CSF1R: variants seen among roughly 807,000 people sequenced by gnomAD.
CSF1R encodes macrophage colony-stimulating factor 1 receptor.
Under a neutral mutation model 110.0 loss-of-function variants are expected in CSF1R, and 40 were observed. The ratio of observed to expected loss-of-function variants is 0.36; its 90% confidence interval spans 0.28 to 0.47. The LOEUF (loss-of-function observed/expected upper bound fraction) is 0.47, where lower values mean the gene tolerates loss of function less well. CSF1R is among the 20% of genes least tolerant of loss of function. CSF1R has a pLI of 0.99. For synonymous variants in CSF1R, 523 were observed against 503.4 expected, an observed-to-expected ratio of 1.04 and a Z score of -0.52; for missense variants, 1,052 against 1,253.0, an observed-to-expected ratio of 0.84 and a Z score of 2.42.
Position 150,054,065 on chromosome 5 carries a change from C to A in CSF1R, c.*4G>T, listed in dbSNP as rs376038713. ...GGAGAGTGGTACTCCCTGTCGTCAA[C>A]TCCTCAGCAGAACTGATAGTTGTTG... On this transcript the variant is annotated 3_prime_UTR_variant, in exon 21 of 21. Coordinates refer to ENST00000675795, the MANE Select transcript of CSF1R (RefSeq NM_001288705.3). 2.5e-5 allele frequency: 41 copies of A among 1,613,948 alleles called. No individual in the cohort carries two copies. Among genetic ancestry groups the A allele is most frequent in the Non-Finnish European group, 3.2e-5 (38 of 1,180,010 alleles).
chr5:150,083,015 G>T (rs1480087632), intron 1 of CSF1R, among the ~76,000 whole-genome samples: 1 of 152,050 alleles, frequency 6.6e-6, no homozygotes, highest in African/African-American at 2.4e-5. Flanking sequence ...AGGAAATGTG[G>T]TCAGGGAGCG....
intron 6 of CSF1R, 39 bp downstream of exon 6, chr5:150,073,262 G>T (rs1284850198): frequency 6.3e-7 from 1 of 1,578,980 alleles, no homozygotes. Flanking sequence ...TACCCCATCT[G>T]GTTGTCGGGC....
At chr5:150,096,325 G>A (rs948500386) in intron 1 of CSF1R, among the ~76,000 whole-genome samples, 38 of 152,320 alleles carry the variant, frequency 2.5e-4, no homozygotes, top group African/African-American at 8.4e-4. Flanking sequence ...GGGAGGCAGA[G>A]GTTGCTGTGA....
At chr5:150,101,896 T>C in intron 1 of CSF1R, among the ~76,000 whole-genome samples, 1 of 152,180 alleles carries the variant, frequency 6.6e-6, no homozygotes, top group East Asian at 1.9e-4. Flanking sequence ...GTTTTAAAAA[T>C]AGTATCCTAT....
rs2113791971 is a variant in CSF1R at position 150,061,535 on chromosome 5, C to T, written c.1814G>A (p.Gly605Asp). Residue 605 changes from glycine (G) to aspartate (D), a missense_variant, in exon 12 of 21, where the codon GGC (glycine) becomes GAC (aspartate). Transcript: ENST00000675795. ...CACCTTCAGGACAGCATCCTCCTTG[C>T]CCAGACCAAAGGCCGTGGCCTCCAC... ...KVVEATAFGL[G>D]KEDAVLKVAV... is the part of the protein sequence containing the mutation. The T allele has an allele frequency of 6.2e-7, 1 of 1,612,332 alleles. No individual in the cohort carries two copies. Among genetic ancestry groups the T allele is most frequent in the African/African-American group, 1.3e-5 (1 of 74,644 alleles).
At chr5:150,075,179 G>A (rs1758210475) in intron 5 of CSF1R, among the ~76,000 whole-genome samples, 1 of 152,048 alleles carries the variant, frequency 6.6e-6, no homozygotes, top group African/African-American at 2.4e-5. Context: ...TGAGCTTTTG[G>A]GGGCAAGGCT....
intron 14 of CSF1R, among the ~76,000 whole-genome samples, chr5:150,059,390 A>G (rs568564501): frequency 1.3e-5 from 2 of 152,270 alleles, no homozygotes; most frequent in South Asian, 4.1e-4. Context: ...ATCTTGGTTG[A>G]TCTTTTACAC....
At chr5:150,056,424 A>G (rs1021261023) in intron 16 of CSF1R, 83 bp from the exon 17 acceptor site, 7 of 1,558,038 alleles carry the variant, frequency 4.5e-6, no homozygotes, top group East Asian at 2.3e-5. Flanking sequence ...AGGGCCCCAC[A>G]TGGCTTTGGA....
At chr5:150,068,493 C>T (rs1757882509) in intron 9 of CSF1R, among the ~76,000 whole-genome samples, 163 bp from the exon 10 acceptor site, 1 of 152,214 alleles carries the variant, frequency 6.6e-6, no homozygotes, top group Non-Finnish European at 1.5e-5. Flanking sequence ...TGCACACCCT[C>T]CCCGAGAAAG....
In CSF1R at chr5:150,053,838, G is replaced by A. The variant is rs78449650; in HGVS notation, c.*231C>T. Reference sequence around the variant, plus strand: ...AACACCATGAGAACAGTAGGGGAGGGGGGGGTGAGGGCTCAGCCCCCAGCC... The same window carrying A: ...AACACCATGAGAACAGTAGGGGAGGAGGGGGTGAGGGCTCAGCCCCCAGCC... On this transcript the variant is annotated 3_prime_UTR_variant, in exon 21 of 21. Transcript: ENST00000675795. 9 of 457,396 alleles carry A rather than the reference G, an allele frequency of 2.0e-5. No homozygotes were observed. Among genetic ancestry groups the A allele is most frequent in the African/African-American group, 9.5e-5 (3 of 31,688 alleles). 28.3% of individuals were successfully genotyped at this position (457,396 alleles called of 1,614,324 possible).
intron 1 of CSF1R, among the ~76,000 whole-genome samples, chr5:150,098,915 T>G (rs1305384877): frequency 1.4e-5 from 2 of 140,088 alleles, no homozygotes; most frequent in Non-Finnish European, 3.1e-5. Context: ...TTTTTTGAGA[T>G]AGAGTCTTGC....
chr5:150,084,531 C>T (rs896073212), intron 1 of CSF1R, among the ~76,000 whole-genome samples: 1 of 151,492 alleles, frequency 6.6e-6, no homozygotes, highest in Non-Finnish European at 1.5e-5. Flanking sequence ...CAGCTCACTG[C>T]AACCTCTGCC....
Position 150,054,174 on chromosome 5 carries a change from GCTGCTGCCGCTGCCACCGCTT to G in CSF1R, c.2793_2813del (p.Arg931_Ser937del). The G allele has an allele frequency of 6.2e-7, 1 of 1,611,976 alleles. No homozygotes were observed. Among genetic ancestry groups the G allele is most frequent in the Non-Finnish European group, 8.5e-7 (1 of 1,179,206 alleles). On this transcript the variant is annotated inframe_deletion, in exon 21 of 21. Coordinates refer to ENST00000675795, the MANE Select transcript of CSF1R (RefSeq NM_001288705.3). ...AGCTCTCCTCCTCCAGCTCACTGCT[GCTGCTGCCGCTGCCACCGCTT>G]CTGCTGCTGCTCGGCAGATTGGTAT...
chr5:150,066,765 C>A (rs145742591), intron 10 of CSF1R, among the ~76,000 whole-genome samples: 5 of 152,274 alleles, frequency 3.3e-5, no homozygotes, highest in Admixed American at 6.5e-5. Context: ...GCCAAGGGGA[C>A]ACAAGATGGG....
Position 150,057,587 on chromosome 5 carries a change from C to G in CSF1R, c.2138G>C (p.Ser713Thr). 6.2e-7 allele frequency: 1 copy of G among 1,613,850 alleles called. No individual in the cohort carries two copies. Among genetic ancestry groups the G allele is most frequent in the Admixed American group, 1.7e-5 (1 of 60,038 alleles). Residue 713 changes from serine to threonine, a missense_variant, in exon 15 of 21, where the codon AGT becomes ACT. By Grantham distance (58) the Ser-to-Thr change is moderately conservative. This residue lies in a region of CSF1R where 124 missense variants were observed against 117.7 expected (regional missense o/e 1.05). Transcript: ENST00000675795. The stretch of plus-strand genomic sequence containing the variant: ...GTCCACACCCTGGCTGGAGAAGCCA[C>G]TGTCCCTACATAGGAGAGAGGGTTG... Reference protein sequence around the residue: ...HLEKKYVRRDSGFSSQGVDTY... With the variant: ...HLEKKYVRRDTGFSSQGVDTY...
Position 150,109,298 on chromosome 5 carries a change from G to A in CSF1R, c.-181+3963C>T, listed in dbSNP as rs547755671. ...TGGAGGCTCCTCTCACAGGCTAATC[G>A]TGAGGATCCGATGGGACCACTGGTA... On this transcript the variant is annotated intron_variant, in intron 1 of 21. Transcript: ENST00000286301. 9.6e-4 allele frequency among the ~76,000 whole-genome samples: 146 copies of A among 152,296 alleles called. No individual in the cohort carries two copies. In the South Asian group the frequency reaches 0.01, roughly 11 times the overall value.
chr5:150,073,605 A>T (rs1253133203), intron 5 of CSF1R, 112 bp from the exon 6 acceptor site: 11 of 1,078,068 alleles, frequency 1.0e-5, no homozygotes, highest in Admixed American at 7.1e-5. Context: ...TGTCACAGGT[A>T]CATAGTCCCC....
intron 1 of CSF1R, chr5:150,094,281 T>G (rs1171994299): frequency 6.7e-7 from 1 of 1,500,110 alleles, no homozygotes; most frequent in African/African-American, 1.4e-5. Flanking sequence ...AGAGCTTCAG[T>G]TTTTTTTTCC....
rs76862924 is a variant in CSF1R, at chr5:150,078,267, C to T, written c.593-19G>A. The T allele has an allele frequency of 1.7e-3, 2,818 of 1,613,474 alleles. 47 individuals carry two copies. In the African/African-American group the frequency reaches 0.033, roughly 19 times the overall value. On this transcript the variant is annotated intron_variant, in intron 3 of 20. Coordinates refer to ENST00000675795, the MANE Select transcript of CSF1R (RefSeq NM_001288705.3). ...GGGATGACTGAGACCGGGGGAGAGACCCCTGAACACCCAGGCTCCCTGAAC... is the reference window on the plus strand; with the variant it reads ...GGGATGACTGAGACCGGGGGAGAGATCCCTGAACACCCAGGCTCCCTGAAC...
Sources: gnomAD v4.1 joint callset for allele counts (sites outside exome capture counted in the v4.1 genomes callset) on GRCh38, gnomAD v4.1.1 for gene constraint, gnomAD v4.1.1 regional missense constraint, MANE v1.5 for transcripts, NCBI Gene and HGNC (gene_info 2026-07-23, HGNC 2026-07-21) for gene names.